Variants in FRMD1 observed in about 807,000 individuals in gnomAD.
The protein encoded by FRMD1 is FERM domain containing 1.
FRMD1 carries 51 observed loss-of-function variants against 54.9 expected under a neutral mutation model. The ratio of observed to expected loss-of-function variants is 0.93; its 90% CI spans 0.74 to 1.17. The LOEUF is 1.17. FRMD1 is among the 50% of genes most tolerant of loss of function. The probability of loss-of-function intolerance (pLI) is 0.00; values close to 1 mark genes in which losing one functional copy is unlikely to be tolerated. For missense variants in FRMD1, 729 were observed against 743.0 expected (o/e 0.98, Z 0.22); for synonymous variants, 324 against 306.4 (o/e 1.06, Z -0.60).
upstream of FRMD1, among the ~76,000 whole-genome samples, chr6:168,082,981 G>A (rs1800861301): frequency 6.6e-6 from 1 of 152,190 alleles, no homozygotes; most frequent in Non-Finnish European, 1.5e-5. Context: ...AGGAGCTGAG[G>A]AATCCAAGCC....
At chr6:168,072,069 G>C (rs1800334976) in intron 2 of FRMD1, among the ~76,000 whole-genome samples, 1 of 152,250 alleles carries the variant, frequency 6.6e-6, no homozygotes, top group Non-Finnish European at 1.5e-5. Context: ...TGGCGTCCAA[G>C]CCGGGGCTGC....
upstream of FRMD1, among the ~76,000 whole-genome samples, chr6:168,083,112 C>T (rs892567179): frequency 3.3e-5 from 5 of 152,308 alleles, no homozygotes; most frequent in South Asian, 2.1e-4. Flanking sequence ...GCGGAAGCCA[C>T]GGGGCCGTAT....
rs537553427 is a variant in FRMD1, at chr6:168,068,405, G to C, written c.305-959C>G. ...CGTACAATCCCTCCGTGTCTGCTGG[G>C]AACTGGTTCCAGGACTCCCCTCGGA... On this transcript the variant is annotated intron_variant, in intron 2 of 10. Coordinates refer to ENST00000283309, the MANE Select transcript of FRMD1 (RefSeq NM_024919.6). 3.9e-5 allele frequency among the ~76,000 whole-genome samples: 6 copies of C among 152,244 alleles called. No individual in the cohort carries two copies. The South Asian group carries it at 1.2e-3, about 32-fold the overall frequency.
chr6:168,062,570 A>T, intron 7 of FRMD1: 1 of 1,194,086 alleles, frequency 8.4e-7, no homozygotes, highest in Non-Finnish European at 1.2e-6. Flanking sequence ...GCAGGAAGGG[A>T]CCTGCACCTC....
intron 1 of FRMD1, 76 bp from the exon 2 acceptor site, chr6:168,075,411 C>T (rs1800540659): frequency 1.7e-6 from 2 of 1,202,304 alleles, no homozygotes; most frequent in Non-Finnish European, 1.2e-6. Flanking sequence ...CAAACGAGGC[C>T]CAGCGGGGCA....
rs747343094 is a variant in FRMD1, at chr6:168,061,098, G to A, written c.1046-41C>T. On this transcript the variant is annotated intron_variant, in intron 8 of 10. Transcript: ENST00000283309. Reference sequence around the variant, plus strand: ...AGCACAGTGAGGGCGAGCTGGAGAGGGACCAGCCCTGCTGATGCAGGAGGA... The same window carrying A: ...AGCACAGTGAGGGCGAGCTGGAGAGAGACCAGCCCTGCTGATGCAGGAGGA... 5 of 1,570,606 alleles carry A rather than the reference G, an allele frequency of 3.2e-6. No homozygotes were observed. The South Asian group carries it at 4.6e-5, about 14-fold the overall frequency.
Position 168,060,808 on chromosome 6 carries a change from C to T in FRMD1, c.1295G>A (p.Ser432Asn). ...GGGGTGGCTGCGGCTGGTCCTGGGG[C>T]TGGAGGACGGCTCCTTCTCATGGAG... ...HGLHEKEPSS[S>N]PRTSRSHPST... The change falls in exon 9 of 11, where the codon AGC (serine) becomes AAC (asparagine). Residue 432 changes from serine to asparagine, a missense_variant. By Grantham distance (46) the Ser-to-Asn change is conservative. Coordinates refer to ENST00000283309, the MANE Select transcript of FRMD1 (RefSeq NM_024919.6). 6.2e-7 allele frequency: 1 copy of T among 1,613,058 alleles called. No homozygotes were observed. The highest frequency in any genetic ancestry group is 8.5e-7 in the Non-Finnish European group (1 of 1,179,628).
At chr6:168,088,163 T>C (rs1037203713) in intron 1 of FRMD1, among the ~76,000 whole-genome samples, 31 of 152,220 alleles carry the variant, frequency 2.0e-4, no homozygotes, top group Admixed American at 8.5e-4. Context: ...GAGAAGCTGG[T>C]GGGGGACGTC....
chr6:168,066,911 C>T, intron 3 of FRMD1, 80 bp from the exon 4 acceptor site: 1 of 1,555,446 alleles, frequency 6.4e-7, no homozygotes, highest in Non-Finnish European at 8.7e-7. Context: ...GTTGGGGGGG[C>T]CTGGATTGCT....
Position 168,065,917 on chromosome 6 carries a change from GAAGT to G in FRMD1, c.461+834_461+837del, listed in dbSNP as rs1331721497. ...CACGCACCCCTGAAGCTCTGTTCTG[GAAGT>G]AAGTCTCAGGATCCTCCTGAGGGAC... On this transcript the variant is annotated intron_variant, in intron 4 of 10. Transcript: ENST00000283309. 5.0e-6 allele frequency: 5 copies of G among 1,000,154 alleles called. No homozygotes were observed. The East Asian group carries it at 4.5e-4, about 91-fold the overall frequency. The allele number at this position is 1,000,154 out of a possible 1,614,324, so 62.0% of individuals were successfully genotyped here. A position where few individuals can be genotyped will look rare whatever the true frequency, so the allele number is the denominator to read the frequency against.
At chr6:168,060,708 T>C (rs1799674574) in intron 9 of FRMD1, 53 bp downstream of exon 9, 3 of 1,554,270 alleles carry the variant, frequency 1.9e-6, no homozygotes, top group Non-Finnish European at 2.6e-6. Context: ...AAGCTGGGGC[T>C]GGCTGGACCA....
chr6:168,066,421 C>T, intron 4 of FRMD1: 2 of 571,528 alleles, frequency 3.5e-6, no homozygotes, highest in Non-Finnish European at 4.6e-6. Flanking sequence ...TCGCTTGAAC[C>T]CAGGAGGTGG....
At position 168,063,719 on chromosome 6, in the gene FRMD1, T is replaced by G. The variant is rs553570166; in HGVS notation, c.686A>C (p.His229Pro). 1.2e-6 allele frequency: 2 copies of G among 1,613,472 alleles called. No individual in the cohort carries two copies. The highest frequency in any genetic ancestry group is 1.7e-5 in the Admixed American group (1 of 59,980). The stretch of plus-strand genomic sequence containing the variant: ...GCGCTCACGGTGCAGGGTAGGCATG[T>G]GCCGGAGGATGTAGTCAATCCCCCT... ...TKRGIDYILR[H>P]MPTLHRERQG... is the part of the protein sequence containing the mutation. Residue 229 changes from histidine to proline, a missense_variant, in exon 6 of 11, where the codon CAC becomes CCC. Coordinates refer to ENST00000283309, the MANE Select transcript of FRMD1 (RefSeq NM_024919.6).
chr6:168,067,420 C>T lies in FRMD1; in HGVS notation c.331G>A (p.Glu111Lys). 6.2e-7 allele frequency: 1 copy of T among 1,607,750 alleles called. No homozygotes were observed. ...GAGAAGTACTTGCTGAGCTTTTGCT[C>T]CAAATCCATAAATATATACTCATTG... Reference protein sequence around the residue: ...RNNEYIFMDLEQKLSKYFSKD... With the variant: ...RNNEYIFMDLKQKLSKYFSKD... The change falls in exon 3 of 11, where the codon GAG becomes AAG. Residue 111 changes from glutamate to lysine, a missense_variant. Physicochemically the swap from Glu to Lys is moderately conservative, Grantham distance 56. Coordinates refer to ENST00000283309, the MANE Select transcript of FRMD1 (RefSeq NM_024919.6).
At chr6:168,075,868 GT>G (rs2115012384) in intron 1 of FRMD1, 14,768 of 1,369,704 alleles carry the variant, frequency 0.011, 23 homozygotes, top group East Asian at 0.022. Context: ...CACATTTCCG[GT>G]GCCCGGTGTC....
chr6:168,061,812 G>GCCT lies in FRMD1; in HGVS notation c.1037_1039dup (p.Glu346dup), dbSNP rs1366258561. The GCCT allele has an allele frequency of 6.4e-7, 1 of 1,552,900 alleles. No individual in the cohort carries two copies. Among genetic ancestry groups the GCCT allele is most frequent in the African/African-American group, 1.4e-5 (1 of 73,320 alleles). ...CATACCCAGCCCAGCCCCACCTTCT[G>GCCT]CCTCCTCCCGCTGCCGCAGCTGTTG... On this transcript the variant is annotated inframe_insertion, in exon 8 of 11. Transcript: ENST00000283309.
At chr6:168,072,171 T>C (rs895169957) in intron 2 of FRMD1, among the ~76,000 whole-genome samples, 34 of 151,704 alleles carry the variant, frequency 2.2e-4, no homozygotes, top group African/African-American at 8.2e-4. Flanking sequence ...CTGCCCCGCC[T>C]GGGTGATGGA....
chr6:168,069,236 T>C (rs1385386067), intron 2 of FRMD1, among the ~76,000 whole-genome samples: 1 of 151,966 alleles, frequency 6.6e-6, no homozygotes, highest in Non-Finnish European at 1.5e-5. Flanking sequence ...GAGCCAGGGG[T>C]TAGCAAACCA....
chr6:168,083,925 C>A (rs981852838), upstream of FRMD1, among the ~76,000 whole-genome samples: 2 of 152,196 alleles, frequency 1.3e-5, no homozygotes, highest in African/African-American at 2.4e-5. Context: ...GTTACAAAGT[C>A]TCATCTTATT....
Sources: allele counts gnomAD v4.1 joint callset (sites outside exome capture counted in the v4.1 genomes callset), GRCh38; gene constraint gnomAD v4.1.1; transcripts MANE v1.5; gene names NCBI Gene and HGNC (gene_info 2026-07-23, HGNC 2026-07-21).